Variants in SUN3 observed in about 807,000 individuals in gnomAD.
SUN3 encodes the protein SUN domain-containing protein 3.
Under a neutral mutation model 48.2 loss-of-function variants are expected in SUN3, and 36 were observed. The ratio of observed to expected loss-of-function variants is 0.75; its 90% CI spans 0.57 to 0.99. The LOEUF is 0.99. SUN3 is among the 50% of genes least tolerant of loss of function. SUN3 has a pLI of 0.00. For synonymous variants in SUN3, 148 were observed against 147.9 expected (o/e 1.00, Z 0.00); for missense variants, 419 against 433.1 (o/e 0.97, Z 0.29).
At chr7:48,026,539 G>A (rs1790138999) in intron 1 of SUN3, among the ~76,000 whole-genome samples, 1 of 151,428 alleles carries the variant, frequency 6.6e-6, no homozygotes. Flanking sequence ...ACTGGAAATT[G>A]AGCATACTCA....
the SUN3 span, among the ~76,000 whole-genome samples, chr7:48,034,370 T>C: frequency 2.0e-5 from 3 of 152,218 alleles, no homozygotes; most frequent in Non-Finnish European, 4.4e-5. Flanking sequence ...TCTAAGGCTA[T>C]ACTCGTGTAA....
At chr7:48,035,507 C>G in the SUN3 span, 35 of 697,248 alleles carry the variant, frequency 5.0e-5, no homozygotes, top group Non-Finnish European at 7.8e-5. The surrounding 1 kb of genome is among the most constrained non-coding windows in gnomAD (Gnocchi z 4.0). Context: ...GCCCTGGCGA[C>G]GCCGATGTTG....
upstream of SUN3, among the ~76,000 whole-genome samples, chr7:48,030,946 T>G (rs1790247721): frequency 6.6e-6 from 1 of 152,180 alleles, no homozygotes; most frequent in South Asian, 2.1e-4. Flanking sequence ...GCAAAAGAAT[T>G]AAATTGGACA....
At chr7:48,024,348 G>A (rs1790077921) in intron 2 of SUN3, among the ~76,000 whole-genome samples, 1 of 152,050 alleles carries the variant, frequency 6.6e-6, no homozygotes, top group Admixed American at 6.6e-5. Context: ...AATCAAAAAT[G>A]AGCAAAAGAC....
At chr7:48,013,047 T>C (rs1789724207) in intron 3 of SUN3, among the ~76,000 whole-genome samples, 1 of 152,222 alleles carries the variant, frequency 6.6e-6, no homozygotes. Flanking sequence ...CATTTTGTTA[T>C]AGCAGCATAA....
Position 47,996,104 on chromosome 7 carries a change from T to C in SUN3, c.620A>G (p.Asn207Ser). 6.3e-7 allele frequency: 1 copy of C among 1,595,584 alleles called. No individual in the cohort carries two copies. The highest frequency in any genetic ancestry group is 8.5e-7 in the Non-Finnish European group (1 of 1,174,004). Residue 207 changes from asparagine (N) to serine (S), a missense_variant, in exon 7 of 10, where the codon AAT becomes AGT. Transcript: ENST00000297325. ...IEAGTSESYK[N>S]NKAKLYWHGI... is the part of the protein sequence containing the mutation. Reference sequence around the variant, plus strand: ...ATGCCAGTACAATTTTGCTTTATTATTTTTATAACTTTCTGAGGTCCCAGC... The same window carrying C: ...ATGCCAGTACAATTTTGCTTTATTACTTTTATAACTTTCTGAGGTCCCAGC...
chr7:47,988,632 G>A (rs1285164234), intron 9 of SUN3, among the ~76,000 whole-genome samples, 156 bp downstream of exon 9: 1 of 152,146 alleles, frequency 6.6e-6, no homozygotes, highest in African/African-American at 2.4e-5. Context: ...TAAAATCCTC[G>A]TAAGCACTTC....
intron 1 of SUN3, 144 bp from the exon 2 acceptor site, chr7:48,026,082 T>C (rs922709122): frequency 3.6e-5 from 22 of 616,352 alleles, no homozygotes; most frequent in Non-Finnish European, 5.8e-5. Flanking sequence ...TTACTTTAAT[T>C]TCCAATCCAC....
chr7:48,013,735 C>T (rs749088231), intron 3 of SUN3, among the ~76,000 whole-genome samples: 8 of 152,102 alleles, frequency 5.3e-5, no homozygotes, highest in Admixed American at 1.3e-4. Flanking sequence ...CTGAGTGCAG[C>T]GTTTCATGCC....
chr7:48,013,930 C>T (rs1789743762), intron 3 of SUN3, among the ~76,000 whole-genome samples: 1 of 152,052 alleles, frequency 6.6e-6, no homozygotes, highest in Admixed American at 6.5e-5. Context: ...ACCTCAACCT[C>T]ATGAAAAATA....
chr7:48,007,351 G>C, intron 4 of SUN3, 24 bp from the exon 5 acceptor site: 1 of 1,607,104 alleles, frequency 6.2e-7, no homozygotes, highest in East Asian at 2.2e-5. Context: ...ATCTCAGCAT[G>C]AGAGGAAGAA....
Position 48,002,284 on chromosome 7 carries a change from C to A in SUN3, c.577+3685G>T, listed in dbSNP as rs1214797808. Among the ~76,000 whole-genome samples the A allele has an allele frequency of 2.1e-5, 3 of 142,564 alleles. 1 individual carries two copies. Among genetic ancestry groups the A allele is most frequent in the African/African-American group, 9.2e-5 (3 of 32,742 alleles). The allele number at this position is 142,564 out of a possible 152,430, so 93.5% of individuals were successfully genotyped here. On this transcript the variant is annotated intron_variant, in intron 6 of 9. Transcript: ENST00000297325. ...ACGCTATTCTCCTGCCTCAGCCTCC[C>A]GAGTAGCTGGGACCACAGGCGCCCG...
intron 2 of SUN3, among the ~76,000 whole-genome samples, chr7:48,021,194 A>G (rs1006583419): frequency 3.9e-5 from 6 of 152,186 alleles, no homozygotes; most frequent in African/African-American, 1.4e-4. Context: ...TGCTGGGAAA[A>G]CTAGATATTC....
chr7:48,012,954 G>T (rs1228330665), intron 3 of SUN3, among the ~76,000 whole-genome samples: 1 of 152,176 alleles, frequency 6.6e-6, no homozygotes, highest in Non-Finnish European at 1.5e-5. Context: ...AACATAGAAT[G>T]CACATGCCTT....
chr7:48,015,285 C>T (rs1789781338), intron 3 of SUN3, among the ~76,000 whole-genome samples: 1 of 152,096 alleles, frequency 6.6e-6, no homozygotes. Flanking sequence ...TGAGGCTGAC[C>T]CTCTCTGTGG....
chr7:48,019,998 AAAAGAAAGAAAG>A (rs1789945793), intron 2 of SUN3, among the ~76,000 whole-genome samples: 1 of 147,796 alleles, frequency 6.8e-6, no homozygotes, highest in Non-Finnish European at 1.5e-5. Context: ...AAAAAAAAAA[AAAAGAAAGAAAG>A]AAAACTACAG....
chr7:48,019,399 A>T (rs565012869), intron 2 of SUN3, among the ~76,000 whole-genome samples: 3 of 152,290 alleles, frequency 2.0e-5, no homozygotes, highest in Non-Finnish European at 2.9e-5. Flanking sequence ...ATAGAAAAGC[A>T]AGAGCAAACC....
At chr7:48,028,793 C>T (rs1034522901) in intron 1 of SUN3, 24 bp downstream of exon 1, 3 of 1,610,008 alleles carry the variant, frequency 1.9e-6, no homozygotes, top group Non-Finnish European at 2.5e-6. Context: ...ATTTCAGGCA[C>T]ACCGTTCTGC....
chr7:48,022,540 T>C (rs1407687515), intron 2 of SUN3, among the ~76,000 whole-genome samples: 1 of 152,034 alleles, frequency 6.6e-6, no homozygotes, highest in Non-Finnish European at 1.5e-5. Flanking sequence ...CATAAGTATA[T>C]ATACTATGTA....
Sources: allele counts gnomAD v4.1 joint callset (sites outside exome capture counted in the v4.1 genomes callset), GRCh38; gene constraint gnomAD v4.1.1; non-coding constraint Gnocchi (gnomAD v3.1); transcripts MANE v1.5; gene names NCBI Gene and HGNC (gene_info 2026-07-23, HGNC 2026-07-21).